PDGFD: variants seen among roughly 807,000 people sequenced by gnomAD.
PDGFD encodes the protein platelet derived growth factor D, also known as platelet-derived growth factor D.
A neutral mutation model predicts 44.7 loss-of-function variants in PDGFD; 30 were observed. The observed-to-expected ratio is 0.67, with a 90% CI of 0.50 to 0.91. The LOEUF (loss-of-function observed/expected upper bound fraction) is 0.91, where lower values mean the gene tolerates loss of function less well. PDGFD is among the 40% of genes least tolerant of loss of function. The pLI is 0.00. For synonymous variants in PDGFD, 173 were observed against 168.4 expected (o/e 1.03, Z -0.21); for missense variants, 445 against 457.8 (o/e 0.97, Z 0.25).
At chr11:104,139,535 AAAGACT>A (rs1255582532) in intron 1 of PDGFD, among the ~76,000 whole-genome samples, 2 of 152,228 alleles carry the variant, frequency 1.3e-5, no homozygotes, top group Non-Finnish European at 2.9e-5. Context: ...ACTAAAGACT[AAAGACT>A]AACACAAAAG....
At position 104,034,924 on chromosome 11, in the gene PDGFD, G is replaced by A. The variant is rs144800851; in HGVS notation, c.125-34669C>T. 7.3e-3 allele frequency among the ~76,000 whole-genome samples: 1,105 copies of A among 152,238 alleles called. 20 individuals are homozygous for A. Among genetic ancestry groups the A allele is most frequent in the African/African-American group, 0.025 (1,023 of 41,530 alleles). On this transcript the variant is annotated intron_variant, in intron 1 of 6. Coordinates refer to ENST00000393158, the MANE Select transcript of PDGFD (RefSeq NM_025208.5). ...CCCAAACTGCTGGGATTACAGGCAT[G>A]AGCCACCGCGCCAGGCAGCAAAACA...
At chr11:104,066,587 T>C (rs1231399167) in intron 1 of PDGFD, among the ~76,000 whole-genome samples, 2 of 152,176 alleles carry the variant, frequency 1.3e-5, no homozygotes, top group African/African-American at 4.8e-5. Context: ...GGTAAGACTA[T>C]ATAAAGAAAG....
At chr11:104,154,646 G>A (rs887554393) in intron 1 of PDGFD, among the ~76,000 whole-genome samples, 1 of 152,158 alleles carries the variant, frequency 6.6e-6, no homozygotes, top group Non-Finnish European at 1.5e-5. Flanking sequence ...TGTTGGCTGA[G>A]GGAATGGAGC....
At chr11:104,079,762 T>C (rs1861017186) in intron 1 of PDGFD, among the ~76,000 whole-genome samples, 2 of 150,424 alleles carry the variant, frequency 1.3e-5, no homozygotes, top group Admixed American at 6.6e-5. Context: ...TCTATAGTGA[T>C]ACAGAATAGG....
At chr11:104,029,752 C>T (rs1860096823) in intron 1 of PDGFD, among the ~76,000 whole-genome samples, 2 of 152,152 alleles carry the variant, frequency 1.3e-5, no homozygotes, top group African/African-American at 4.8e-5. Context: ...GGACTGCATG[C>T]TATTACTCTG....
At chr11:104,019,877 GA>G (rs1169172706) in intron 1 of PDGFD, among the ~76,000 whole-genome samples, 7 of 151,890 alleles carry the variant, frequency 4.6e-5, no homozygotes, top group African/African-American at 1.7e-4. Context: ...GTGTCTTCGG[GA>G]AAAAAATCAC....
At chr11:104,117,605 C>G (rs370124992) in intron 1 of PDGFD, among the ~76,000 whole-genome samples, 12 of 151,830 alleles carry the variant, frequency 7.9e-5, no homozygotes, top group Non-Finnish European at 1.3e-4. Context: ...AAGCAGAGAA[C>G]CAAATCAAGA....
At chr11:104,153,431 T>G (rs956770235) in intron 1 of PDGFD, among the ~76,000 whole-genome samples, 11 of 152,108 alleles carry the variant, frequency 7.2e-5, no homozygotes, top group African/African-American at 2.4e-4. Flanking sequence ...TGTAAATAAA[T>G]GAGTAACATT....
chr11:104,097,285 A>AT (rs1861301694), intron 1 of PDGFD, among the ~76,000 whole-genome samples: 1 of 152,194 alleles, frequency 6.6e-6, no homozygotes, highest in Admixed American at 6.5e-5. Context: ...ATATCGATAG[A>AT]TTTTAGACCA....
At chr11:104,123,624 A>G (rs569490093) in intron 1 of PDGFD, among the ~76,000 whole-genome samples, 1 of 152,226 alleles carries the variant, frequency 6.6e-6, no homozygotes, top group South Asian at 2.1e-4. Context: ...TTAAAGTGGC[A>G]TTCTTTTGCC....
At chr11:104,088,628 T>G (rs2134435092) in intron 1 of PDGFD, among the ~76,000 whole-genome samples, 1 of 152,280 alleles carries the variant, frequency 6.6e-6, no homozygotes, top group Non-Finnish European at 1.5e-5. Context: ...TTTGCCTGAG[T>G]AACAGATACC....
chr11:104,153,563 G>A (rs1862270623), intron 1 of PDGFD, among the ~76,000 whole-genome samples: 1 of 152,064 alleles, frequency 6.6e-6, no homozygotes, highest in Non-Finnish European at 1.5e-5. Context: ...TGTGATATAG[G>A]ATCTTTACAT....
chr11:103,956,387 T>C (rs1334865333), intron 3 of PDGFD, among the ~76,000 whole-genome samples: 1 of 148,054 alleles, frequency 6.8e-6, no homozygotes, highest in East Asian at 2.0e-4. Context: ...ACAAAGGACA[T>C]GAACTCATCA....
At chr11:104,001,414 C>T (rs1008892502) in intron 1 of PDGFD, among the ~76,000 whole-genome samples, 1 of 152,176 alleles carries the variant, frequency 6.6e-6, no homozygotes, top group Non-Finnish European at 1.5e-5. Flanking sequence ...AAGTACAGTG[C>T]TTTTCTGATT....
At chr11:103,916,242 C>G (rs550587267) in intron 6 of PDGFD, among the ~76,000 whole-genome samples, 1 of 151,948 alleles carries the variant, frequency 6.6e-6, no homozygotes, top group Non-Finnish European at 1.5e-5. Context: ...AACAAATTTA[C>G]AAGAAAAAAA....
At chr11:103,925,712 CACACATAT>C (rs1281548985) in intron 6 of PDGFD, among the ~76,000 whole-genome samples, 1 of 98,554 alleles carries the variant, frequency 1.0e-5, no homozygotes, top group Admixed American at 8.9e-5. Context: ...CAGACACACA[CACACATAT>C]ATATATATAT....
chr11:103,981,655 A>G (rs1421778019), intron 3 of PDGFD, among the ~76,000 whole-genome samples: 1 of 151,836 alleles, frequency 6.6e-6, no homozygotes, highest in Non-Finnish European at 1.5e-5. Context: ...TCTGATTCAT[A>G]TATCCTGTAC....
At chr11:103,930,867 C>T (rs185942973) in intron 5 of PDGFD, among the ~76,000 whole-genome samples, 2 of 152,340 alleles carry the variant, frequency 1.3e-5, no homozygotes, top group African/African-American at 4.8e-5. Context: ...ATAAACCAGG[C>T]AGCTATTCAG....
At chr11:104,133,626 T>C (rs1463933525) in intron 1 of PDGFD, among the ~76,000 whole-genome samples, 1 of 152,202 alleles carries the variant, frequency 6.6e-6, no homozygotes, top group Admixed American at 6.6e-5. Flanking sequence ...CATGTTTCAC[T>C]GTGCCATCCA....
Sources: gnomAD v4.1 joint callset for allele counts (sites outside exome capture counted in the v4.1 genomes callset) on GRCh38, gnomAD v4.1.1 for gene constraint, MANE v1.5 for transcripts, NCBI Gene and HGNC (gene_info 2026-07-23, HGNC 2026-07-21) for gene names.